The following NSMCE2 variants were observed in gnomAD, a reference collection of about 807,000 sequenced individuals.
The protein encoded by NSMCE2 is E3 SUMO-protein ligase NSE2.
In NSMCE2, 24 loss-of-function variants were observed where a neutral mutation model predicts 23.8. The observed-to-expected ratio is 1.01, with a 90% CI of 0.73 to 1.42. The LOEUF (loss-of-function observed/expected upper bound fraction) is 1.42. Among genes scored for constraint, NSMCE2 ranks in the 40% most tolerant of loss-of-function variants. The probability of loss-of-function intolerance (pLI) is 0.00; values close to 1 mark genes in which losing one functional copy is unlikely to be tolerated. For synonymous variants in NSMCE2, 92 were observed against 94.1 expected (o/e 0.98, Z 0.13); for missense variants, 284 against 296.5 (o/e 0.96, Z 0.31).
chr8:125,289,759 A>G (rs1828036903), intron 5 of NSMCE2, among the ~76,000 whole-genome samples: 1 of 152,182 alleles, frequency 6.6e-6, no homozygotes, highest in Non-Finnish European at 1.5e-5. Flanking sequence ...CTTGAGTAGG[A>G]CCTTAAAAGC....
chr8:125,337,153 T>C (rs1041501865), intron 5 of NSMCE2, among the ~76,000 whole-genome samples: 1 of 152,248 alleles, frequency 6.6e-6, no homozygotes, highest in Non-Finnish European at 1.5e-5. Flanking sequence ...ACGGAAAGAA[T>C]GGGCAAACAT....
At chr8:125,199,475 T>C (rs999111556) in intron 5 of NSMCE2, among the ~76,000 whole-genome samples, 1 of 152,220 alleles carries the variant, frequency 6.6e-6, no homozygotes, top group Non-Finnish European at 1.5e-5. Context: ...TCAGTTTCCA[T>C]GTAGTTGTGC....
rs138382259 is a variant in NSMCE2, at chr8:125,317,477, G to A, written c.419-39742G>A. On this transcript the variant is annotated intron_variant, in intron 5 of 7. Coordinates refer to ENST00000287437, the MANE Select transcript of NSMCE2 (RefSeq NM_173685.4). ...CTCCATAAGTTCTGGGATTACAGGC[G>A]TGCACCACCACACCTGACCAAGATT... Among the ~76,000 whole-genome samples, 399 of 152,226 alleles carry A rather than the reference G, an allele frequency of 2.6e-3. 2 individuals are homozygous for A. Among genetic ancestry groups the A allele is most frequent in the African/African-American group, 8.5e-3 (355 of 41,526 alleles).
At chr8:125,193,966 G>A (rs901455973) in intron 5 of NSMCE2, among the ~76,000 whole-genome samples, 3 of 152,172 alleles carry the variant, frequency 2.0e-5, no homozygotes, top group Non-Finnish European at 4.4e-5. Context: ...ATATCAGAAA[G>A]TGTTAGTGGT....
In NSMCE2 at chr8:125,182,188, A is replaced by G; in HGVS notation, c.350A>G (p.Asp117Gly). The change falls in exon 5 of 8, where the codon GAT (aspartate) becomes GGT (glycine). Residue 117 changes from aspartate to glycine, a missense_variant. Physicochemically the swap from Asp to Gly is moderately conservative, Grantham distance 94. Around this residue, in one of 2 missense-constraint regions of NSMCE2, gnomAD observed 182 missense variants for 155.5 expected, o/e 1.17. Coordinates refer to ENST00000287437, the MANE Select transcript of NSMCE2 (RefSeq NM_173685.4). ...KFLALQSKNS[D>G]ADFQNNEKFV... ...TTGGCTTTACAGAGCAAGAATTCTG[A>G]TGCAGACTTTCAAAATAATGAAAAA... The G allele has an allele frequency of 6.2e-6, 10 of 1,606,964 alleles. No individual in the cohort carries two copies. Among genetic ancestry groups the G allele is most frequent in the Non-Finnish European group, 8.5e-6 (10 of 1,175,642 alleles).
intron 5 of NSMCE2, among the ~76,000 whole-genome samples, chr8:125,349,331 C>T (rs976904337): frequency 2.0e-5 from 3 of 152,168 alleles, no homozygotes; most frequent in Non-Finnish European, 2.9e-5. Context: ...AATAAACTGT[C>T]TTTGGAATAA....
intron 5 of NSMCE2, among the ~76,000 whole-genome samples, chr8:125,193,458 A>G (rs189648722): frequency 1.3e-5 from 2 of 152,240 alleles, no homozygotes; most frequent in African/African-American, 4.8e-5. Flanking sequence ...TATGAAAAAT[A>G]TTTTTTAAAC....
intron 3 of NSMCE2, among the ~76,000 whole-genome samples, chr8:125,129,013 C>T (rs984886518): frequency 6.6e-6 from 1 of 152,076 alleles, no homozygotes; most frequent in Non-Finnish European, 1.5e-5. Flanking sequence ...GATAAGAACA[C>T]GTTTTACAGA....
At chr8:125,152,232 G>A (rs1821075183) in intron 4 of NSMCE2, among the ~76,000 whole-genome samples, 1 of 152,008 alleles carries the variant, frequency 6.6e-6, no homozygotes, top group South Asian at 2.1e-4. Context: ...GACGTTTCTG[G>A]CTATTGTGAC....
intron 5 of NSMCE2, among the ~76,000 whole-genome samples, chr8:125,206,692 T>A (rs1303765335): frequency 6.6e-6 from 1 of 152,186 alleles, no homozygotes; most frequent in African/African-American, 2.4e-5. Flanking sequence ...AGAACTGGTC[T>A]TTAGGTGGGG....
At chr8:125,118,917 G>T (rs1019864734) in intron 3 of NSMCE2, among the ~76,000 whole-genome samples, 1 of 152,116 alleles carries the variant, frequency 6.6e-6, no homozygotes, top group Non-Finnish European at 1.5e-5. Flanking sequence ...CCAGGTTAAT[G>T]GATCTTGATT....
At chr8:125,282,021 T>C (rs984294535) in intron 5 of NSMCE2, among the ~76,000 whole-genome samples, 1 of 152,114 alleles carries the variant, frequency 6.6e-6, no homozygotes, top group African/African-American at 2.4e-5. Context: ...CCCATTGAAA[T>C]TGGTGAGCTA....
At position 125,366,980 on chromosome 8, in the gene NSMCE2, G is replaced by A. The variant is rs1813825418; in HGVS notation, c.*95G>A. On this transcript the variant is annotated 3_prime_UTR_variant, in exon 8 of 8. Coordinates refer to ENST00000287437, the MANE Select transcript of NSMCE2 (RefSeq NM_173685.4). The stretch of plus-strand genomic sequence containing the variant: ...TGACCCCAGCAGTTAGGGACTGGCT[G>A]CATAGCATACTTGTTGGGGGTAAAA... The A allele has an allele frequency of 2.9e-6, 2 of 695,900 alleles. No homozygotes were observed. Among genetic ancestry groups the A allele is most frequent in the East Asian group, 2.5e-5 (1 of 40,100 alleles). 43.1% of individuals were successfully genotyped at this position (695,900 alleles called of 1,614,324 possible).
chr8:125,116,409 AATT>A (rs1010026801), intron 3 of NSMCE2, among the ~76,000 whole-genome samples: 23 of 152,326 alleles, frequency 1.5e-4, no homozygotes, highest in Non-Finnish European at 2.9e-4. Flanking sequence ...ATGTTAAAAA[AATT>A]ATTATTATTT....
chr8:125,256,024 C>G (rs1187462399), intron 5 of NSMCE2, among the ~76,000 whole-genome samples: 2 of 152,186 alleles, frequency 1.3e-5, no homozygotes, highest in Non-Finnish European at 2.9e-5. Flanking sequence ...TGGCTCACGC[C>G]TGTAATCCCA....
chr8:125,128,964 C>A (rs961528678), intron 3 of NSMCE2, among the ~76,000 whole-genome samples: 9 of 152,164 alleles, frequency 5.9e-5, no homozygotes, highest in African/African-American at 2.2e-4. Context: ...AATTGTGGCA[C>A]TGGGGGATTA....
At chr8:125,335,894 G>C (rs968898288) in intron 5 of NSMCE2, among the ~76,000 whole-genome samples, 2 of 152,234 alleles carry the variant, frequency 1.3e-5, no homozygotes, top group African/African-American at 4.8e-5. Flanking sequence ...AGACGATATA[G>C]TGTCATCAAG....
chr8:125,262,670 G>A (rs1285386873), intron 5 of NSMCE2, among the ~76,000 whole-genome samples: 1 of 152,164 alleles, frequency 6.6e-6, no homozygotes, highest in South Asian at 2.1e-4. Context: ...TGGTGTCATG[G>A]TGTAAGCATT....
rs146764698 is a variant in NSMCE2, at chr8:125,116,075, TCTTTC to T, written c.157+13594_157+13598del. On this transcript the variant is annotated intron_variant, in intron 3 of 7. Coordinates refer to ENST00000287437, the MANE Select transcript of NSMCE2 (RefSeq NM_173685.4). ...CCATGACCTCGATTTATCTGTAGTC[TCTTTC>T]CTTTCTTTCCTCTTTCTGCTAACCA... Among the ~76,000 whole-genome samples the T allele has an allele frequency of 2.1e-3, 320 of 152,334 alleles. 2 individuals carry two copies. The highest frequency in any genetic ancestry group is 7.5e-3 in the African/African-American group (312 of 41,574).
Sources: allele counts gnomAD v4.1 joint callset (sites outside exome capture counted in the v4.1 genomes callset), GRCh38; gene constraint gnomAD v4.1.1; regional missense constraint gnomAD v4.1.1; transcripts MANE v1.5; gene names NCBI Gene and HGNC (gene_info 2026-07-23, HGNC 2026-07-21).